ALDH16A1: variants seen among roughly 807,000 people sequenced by gnomAD.
The protein encoded by ALDH16A1 is aldehyde dehydrogenase family 16 member A1.
Under a neutral mutation model 96.1 loss-of-function variants are expected in ALDH16A1, and 88 were observed. The observed-to-expected ratio is 0.92, with a 90% CI of 0.77 to 1.09. The LOEUF (loss-of-function observed/expected upper bound fraction) is 1.09. Ranked by LOEUF, ALDH16A1 falls within the 50% of genes least tolerant of loss-of-function variation. The pLI is 0.00. For missense variants in ALDH16A1, 1,250 were observed against 1,112.6 expected (o/e 1.12, Z -1.76); for synonymous variants, 522 against 496.4 (o/e 1.05, Z -0.69).
intron 8 of ALDH16A1, among the ~76,000 whole-genome samples, chr19:49,463,018 T>TG (rs1320604550): frequency 1.8e-4 from 12 of 66,452 alleles, no homozygotes; most frequent in Admixed American, 3.0e-4. Context: ...GAGGAGGGGC[T>TG]GGGCCTGGAC....
At chr19:49,458,641 C>A in intron 2 of ALDH16A1, 53 bp downstream of exon 2, 2 of 1,515,252 alleles carry the variant, frequency 1.3e-6, no homozygotes, top group Non-Finnish European at 1.8e-6. Flanking sequence ...TGCCCTCTAG[C>A]CCTACCCACC....
chr19:49,458,921 C>A, intron 2 of ALDH16A1, 39 bp from the exon 3 acceptor site: 1 of 1,598,266 alleles, frequency 6.3e-7, no homozygotes, highest in South Asian at 1.1e-5. Context: ...ATGACATGGG[C>A]TACTCCTCCC....
chr19:49,463,019 G>GGGCCT (rs2079165850), intron 8 of ALDH16A1, among the ~76,000 whole-genome samples: 1 of 101,620 alleles, frequency 9.8e-6, no homozygotes, highest in Non-Finnish European at 1.9e-5. Context: ...AGGAGGGGCT[G>GGGCCT]GGCCTGGACT....
intron 13 of ALDH16A1, 26 bp downstream of exon 13, chr19:49,465,931 A>G (rs1460931817): frequency 2.5e-6 from 4 of 1,608,032 alleles, no homozygotes; most frequent in South Asian, 1.1e-5. Flanking sequence ...GGAAAGCCCA[A>G]GGGTCATGGT....
chr19:49,459,992 C>A lies in ALDH16A1; in HGVS notation c.499+144C>A. 9.9e-7 allele frequency: 1 copy of A among 1,008,198 alleles called. No homozygotes were observed. Among genetic ancestry groups the A allele is most frequent in the Non-Finnish European group, 1.4e-6 (1 of 727,400 alleles). 62.5% of individuals were successfully genotyped at this position (1,008,198 alleles called of 1,614,324 possible). On this transcript the variant is annotated intron_variant, in intron 4 of 16. Transcript: ENST00000293350. The surrounding 1 kb of genome is among the most constrained non-coding windows in gnomAD (Gnocchi z 4.1). ...GTGGCGCAATCTTGGCTCACTATAA[C>A]CTCCGCCTCCCGGGTTCAAGTGATT... is the stretch of plus-strand genomic sequence containing the variant.
At position 49,464,216 on chromosome 19, in the gene ALDH16A1, C is replaced by T. The variant is rs1444071257; in HGVS notation, c.1284C>T (p.Ala428=). 6.2e-7 allele frequency: 1 copy of T among 1,605,632 alleles called. No homozygotes were observed. The highest frequency in any genetic ancestry group is 8.5e-7 in the Non-Finnish European group (1 of 1,179,482). ...ACGGGACGCCCCGCGGGGGCAGCGC[C>T]AGTGTGTGGAGCGAGAGGCTGGGGC... is the stretch of plus-strand genomic sequence containing the variant. ...VANGTPRGGS[A]SVWSERLGQA... is the part of the protein sequence containing the mutation. Residue 428 remains alanine, a synonymous_variant, in exon 10 of 17, where the codon GCC becomes GCT. Transcript: ENST00000293350.
At chr19:49,470,181 A>G (rs1218595050) in intron 16 of ALDH16A1, 125 bp from the exon 17 acceptor site, 1 of 1,154,218 alleles carries the variant, frequency 8.7e-7, no homozygotes, top group Non-Finnish European at 1.2e-6. Context: ...GGAGCTGGGC[A>G]TTGTAGCTGC....
At chr19:49,458,344 T>G (rs1260944405) in intron 1 of ALDH16A1, 142 bp from the exon 2 acceptor site, 7 of 651,098 alleles carry the variant, frequency 1.1e-5, no homozygotes, top group African/African-American at 3.7e-5. Flanking sequence ...ACCACAAACT[T>G]TTTTTTTAAA....
In ALDH16A1 at chr19:49,460,900, G is replaced by C. The variant is rs2079136269; in HGVS notation, c.577+1G>C. On this transcript the variant is annotated splice_donor_variant, in intron 5 of 16. Transcript: ENST00000293350. LOFTEE classifies it high-confidence loss of function. ...AGGATTTGCCCTGCCCTGGCTGTGG[G>C]TAAATGATGGCCTGGGGGGTCCTGA... The C allele has an allele frequency of 6.2e-7, 1 of 1,612,836 alleles. No individual in the cohort carries two copies. The highest frequency in any genetic ancestry group is 8.5e-7 in the Non-Finnish European group (1 of 1,179,674).
At position 49,464,536 on chromosome 19, in the gene ALDH16A1, C is replaced by T. The variant is rs775474907; in HGVS notation, c.1437+14C>T. On this transcript the variant is annotated intron_variant, in intron 11 of 16. Coordinates refer to ENST00000293350, the MANE Select transcript of ALDH16A1 (RefSeq NM_153329.4). ...GGGGGCCCAGACGTGAGTACATCCC[C>T]TCCCCGTCACCAGCCCCCCCGCCGC... is the stretch of plus-strand genomic sequence containing the variant. 8 of 1,613,348 alleles carry T rather than the reference C, an allele frequency of 5.0e-6. No homozygotes were observed. In the Admixed American group the frequency reaches 1.0e-4, roughly 20 times the overall value.
In ALDH16A1 at chr19:49,468,869, G is replaced by A; in HGVS notation, c.2130G>A (p.Met710Ile). 6.2e-7 allele frequency: 1 copy of A among 1,613,302 alleles called. No individual in the cohort carries two copies. ...PLLALEVCQD[M>I]ATVFPAGLAN... ...TCACTCTCTCTATCCCCTAGGACAT[G>A]GCCACCGTGTTCCCAGCAGGCCTGG... is the stretch of plus-strand genomic sequence containing the variant. Residue 710 changes from methionine to isoleucine, a missense_variant, in exon 16 of 17, where the codon ATG (methionine) becomes ATA (isoleucine). Coordinates refer to ENST00000293350, the MANE Select transcript of ALDH16A1 (RefSeq NM_153329.4). This position sits in a 1 kb window ranked among gnomAD's most constrained non-coding sequence, Gnocchi z 4.4.
chr19:49,463,790 C>T lies in ALDH16A1; in HGVS notation c.1099-64C>T, dbSNP rs1375713938. 7 of 1,498,912 alleles carry T rather than the reference C, an allele frequency of 4.7e-6. No individual in the cohort carries two copies. The East Asian group carries it at 6.8e-5, about 15-fold the overall frequency. 92.9% of individuals were successfully genotyped at this position (1,498,912 alleles called of 1,614,324 possible). On this transcript the variant is annotated intron_variant, in intron 8 of 16. Coordinates refer to ENST00000293350, the MANE Select transcript of ALDH16A1 (RefSeq NM_153329.4). ...GTCTGAGGGAGGAGGGGCTGGGGTC[C>T]TGCAGTCCTCGGTCTCAGCAGGAAG... is the stretch of plus-strand genomic sequence containing the variant.
rs774382220 is a variant in ALDH16A1 at position 49,470,366 on chromosome 19, G to A, written c.2308G>A (p.Gly770Ser). Reference protein sequence around the residue: ...GNLKPVWASRGCPRAWDQEAE... With the variant: ...GNLKPVWASRSCPRAWDQEAE... ...CCTCAAACCGGTGTGGGCGAGCAGG[G>A]GCTGCCCGCGGGCCTGGGACCAGGA... is the stretch of plus-strand genomic sequence containing the variant. Residue 770 changes from glycine to serine, a missense_variant, in exon 17 of 17, where the codon GGC (glycine) becomes AGC (serine). Transcript: ENST00000293350. The A allele has an allele frequency of 6.2e-7, 1 of 1,613,202 alleles. No individual in the cohort carries two copies. Among genetic ancestry groups the A allele is most frequent in the South Asian group, 1.1e-5 (1 of 91,072 alleles).
At chr19:49,462,168 T>C in intron 7 of ALDH16A1, 132 bp downstream of exon 7, 1 of 1,318,390 alleles carries the variant, frequency 7.6e-7, no homozygotes, top group South Asian at 1.7e-5. Flanking sequence ...GTTTCACTCT[T>C]GTCGCCCAGG....
Position 49,464,053 on chromosome 19 carries a change from G to T in ALDH16A1, c.1195-74G>T, listed in dbSNP as rs1346087808. ...GTAACCATGTGACCTGGGCGTGGGG[G>T]CTGCTGCCTGCTCTAGGCTCCTTCC... On this transcript the variant is annotated intron_variant, in intron 9 of 16. Coordinates refer to ENST00000293350, the MANE Select transcript of ALDH16A1 (RefSeq NM_153329.4). The T allele has an allele frequency of 4.4e-6, 7 of 1,578,248 alleles. No individual in the cohort carries two copies. In the East Asian group the frequency reaches 1.6e-4, roughly 35 times the overall value.
At position 49,466,233 on chromosome 19, in the gene ALDH16A1, C is replaced by T. The variant is rs369650395; in HGVS notation, c.1888C>T (p.Arg630Ter). ...GGCGGAGGTGGAGCTGAGCGCAAGA[C>T]GACTTCGGGCGTGGGGGGCCCGGGT... ...AEAEVELSAR[R>*]LRAWGARVQA... The change falls in exon 14 of 17, where the codon CGA becomes TGA. Residue 630 changes from arginine (R) to a stop codon, truncating the protein, a stop_gained. Coordinates refer to ENST00000293350, the MANE Select transcript of ALDH16A1 (RefSeq NM_153329.4). LOFTEE classifies it high-confidence loss of function. 54 of 1,495,370 alleles carry T rather than the reference C, an allele frequency of 3.6e-5. No homozygotes were observed. Among genetic ancestry groups the T allele is most frequent in the African/African-American group, 2.2e-4 (16 of 72,092 alleles). The allele number at this position is 1,495,370 out of a possible 1,614,324, so 92.6% of individuals were successfully genotyped here. A position where few individuals can be genotyped will look rare whatever the true frequency, so the allele number is the denominator to read the frequency against.
At chr19:49,461,577 G>C in intron 5 of ALDH16A1, 42 bp from the exon 6 acceptor site, 1 of 1,452,648 alleles carries the variant, frequency 6.9e-7, no homozygotes, top group Non-Finnish European at 9.1e-7. Flanking sequence ...AGGAGGGGCT[G>C]GGCCTGGACT....
Position 49,459,916 on chromosome 19 carries a change from T to C in ALDH16A1, c.499+68T>C. ...AGCAGTGCTAGCTCCAGTCCCCTCA[T>C]TCTTTTTCTTTTAGACAGAGTTTCG... On this transcript the variant is annotated intron_variant, in intron 4 of 16. Transcript: ENST00000293350. This position sits in a 1 kb window ranked among gnomAD's most constrained non-coding sequence, Gnocchi z 4.1. 11 of 1,505,624 alleles carry C rather than the reference T, an allele frequency of 7.3e-6. No homozygotes were observed. Among genetic ancestry groups the C allele is most frequent in the Non-Finnish European group, 9.8e-6 (11 of 1,125,146 alleles). 93.3% of individuals were successfully genotyped at this position (1,505,624 alleles called of 1,614,324 possible).
rs781088118 is a variant in ALDH16A1 at position 49,459,876 on chromosome 19, C to T, written c.499+28C>T. 9.4e-6 allele frequency: 15 copies of T among 1,599,648 alleles called. No homozygotes were observed. The highest frequency in any genetic ancestry group is 1.3e-5 in the Non-Finnish European group (15 of 1,174,712). On this transcript the variant is annotated intron_variant, in intron 4 of 16. Coordinates refer to ENST00000293350, the MANE Select transcript of ALDH16A1 (RefSeq NM_153329.4). This position sits in a 1 kb window ranked among gnomAD's most constrained non-coding sequence, Gnocchi z 4.1. ...GAGACCCTGGAGTCCCTAGCCCTAT[C>T]CTCCCACATGACTCAGCAGTGCTAG...
Sources: gnomAD v4.1 joint callset for allele counts (sites outside exome capture counted in the v4.1 genomes callset) on GRCh38, gnomAD v4.1.1 for gene constraint, Gnocchi (gnomAD v3.1) non-coding constraint, MANE v1.5 for transcripts, NCBI Gene and HGNC (gene_info 2026-07-23, HGNC 2026-07-21) for gene names.